DLGAP4: variants seen among roughly 807,000 people sequenced by gnomAD.
DLGAP4 encodes the protein disks large-associated protein 4.
Under a neutral mutation model 86.9 loss-of-function variants are expected in DLGAP4, and 18 were observed. That is an observed-to-expected ratio of 0.21 (90% CI 0.14 to 0.31). The LOEUF (loss-of-function observed/expected upper bound fraction) is 0.31. Among genes scored for constraint, DLGAP4 ranks in the 10% least tolerant of loss-of-function variants. DLGAP4 has a pLI of 1.00. For missense variants in DLGAP4, 1,085 were observed against 1,362.6 expected, an observed-to-expected ratio of 0.80 and a Z score of 3.21; for synonymous variants, 548 against 574.3, an observed-to-expected ratio of 0.95 and a Z score of 0.65.
At chr20:36,496,260 G>A (rs1390503667) in intron 7 of DLGAP4, among the ~76,000 whole-genome samples, 1 of 152,098 alleles carries the variant, frequency 6.6e-6, no homozygotes, top group Non-Finnish European at 1.5e-5. Flanking sequence ...GAAAAGACCA[G>A]GGGGAGCACT....
At chr20:36,380,779 G>A (rs2031362175) in intron 2 of DLGAP4, among the ~76,000 whole-genome samples, 1 of 152,166 alleles carries the variant, frequency 6.6e-6, no homozygotes, top group African/African-American at 2.4e-5. Context: ...CTACAAAATG[G>A]CTGCTCCTCT....
At chr20:36,525,647 A>G in intron 11 of DLGAP4, 1 of 644,128 alleles carries the variant, frequency 1.6e-6, no homozygotes, top group South Asian at 2.0e-5. Flanking sequence ...CCCTTAGACT[A>G]TCCCCCAAAG....
intron 1 of DLGAP4, among the ~76,000 whole-genome samples, chr20:36,312,857 A>T (rs2065065084): frequency 6.6e-6 from 1 of 152,128 alleles, no homozygotes; most frequent in South Asian, 2.1e-4. Context: ...TTTCTGTTGC[A>T]GCTGCCAGGA....
At chr20:36,484,154 A>T (rs2035308086) in intron 7 of DLGAP4, among the ~76,000 whole-genome samples, 1 of 151,856 alleles carries the variant, frequency 6.6e-6, no homozygotes, top group East Asian at 1.9e-4. Flanking sequence ...TTGTTTGTTT[A>T]TTTTTTCTCC....
At chr20:36,464,968 T>A (rs1295330150) in intron 7 of DLGAP4, among the ~76,000 whole-genome samples, 1 of 152,238 alleles carries the variant, frequency 6.6e-6, no homozygotes, top group African/African-American at 2.4e-5. Context: ...GGGCAAATTA[T>A]TTCTTTGAGC....
chr20:36,405,923 G>A (rs1457516617), intron 2 of DLGAP4, among the ~76,000 whole-genome samples: 2 of 152,122 alleles, frequency 1.3e-5, no homozygotes, highest in African/African-American at 4.8e-5. Flanking sequence ...GTGCAGCGAT[G>A]CTTCTTCAAA....
chr20:36,363,487 A>G (rs1052199639), intron 1 of DLGAP4, among the ~76,000 whole-genome samples: 3 of 152,278 alleles, frequency 2.0e-5, no homozygotes, highest in Non-Finnish European at 4.4e-5. Context: ...CGGTGGCAGC[A>G]GGGTGGGGAA....
chr20:36,412,628 G>C (rs1014143252), intron 2 of DLGAP4, among the ~76,000 whole-genome samples: 1 of 152,154 alleles, frequency 6.6e-6, no homozygotes, highest in African/African-American at 2.4e-5. Flanking sequence ...CTCCTTCATA[G>C]GGCTGATTGG....
chr20:36,513,271 G>A (rs368408506), intron 10 of DLGAP4, among the ~76,000 whole-genome samples: 91 of 151,654 alleles, frequency 6.0e-4, no homozygotes, highest in Admixed American at 5.1e-3. Context: ...AATCTGGGCC[G>A]GGCGCGGTGG....
rs2034435791 is a variant in DLGAP4 at position 36,467,059 on chromosome 20, T to TCCCC, written c.1648+20123_1648+20124insCCCC. On this transcript the variant is annotated intron_variant, in intron 7 of 12. Transcript: ENST00000339266. The stretch of plus-strand genomic sequence containing the variant: ...CTCTCTCTCTCTCTCTCTCTCTCTC[T>TCCCC]CTCTCCCCCCCCCTTCTCTCGGCCC... Among the ~76,000 whole-genome samples the TCCCC allele has an allele frequency of 2.0e-3, 119 of 59,918 alleles. 1 individual carries two copies. The highest frequency in any genetic ancestry group is 6.7e-3 in the African/African-American group (116 of 17,328). 39.3% of individuals were successfully genotyped at this position (59,918 alleles called of 152,430 possible).
At chr20:36,452,082 T>A (rs1476417142) in intron 7 of DLGAP4, among the ~76,000 whole-genome samples, 1 of 152,204 alleles carries the variant, frequency 6.6e-6, no homozygotes, top group African/African-American at 2.4e-5. Flanking sequence ...AATTTGAGAA[T>A]GGTTTACTCT....
At chr20:36,328,245 A>G (rs1382054510) in intron 1 of DLGAP4, among the ~76,000 whole-genome samples, 1 of 152,132 alleles carries the variant, frequency 6.6e-6, no homozygotes, top group Non-Finnish European at 1.5e-5. Flanking sequence ...TTTAAAGTGC[A>G]CATTGGCAAA....
rs945408360 is a variant in DLGAP4 at position 36,522,582 on chromosome 20, C to G, written c.2513-1668C>G. 2.0e-5 allele frequency among the ~76,000 whole-genome samples: 3 copies of G among 152,212 alleles called. No individual in the cohort carries two copies. In the East Asian group the frequency reaches 5.8e-4, roughly 29 times the overall value. On this transcript the variant is annotated intron_variant, in intron 10 of 12. Transcript: ENST00000339266. ...GCCACCCACGCTGGAGCGTAGTGGG[C>G]GTGATCTTGGCTCACTGCAACCTCC...
intron 8 of DLGAP4, chr20:36,499,057 C>A: frequency 1.7e-6 from 1 of 601,800 alleles, no homozygotes; most frequent in South Asian, 2.1e-5. Context: ...CCAGGGTTTG[C>A]CCTTAGTGCA....
intron 3 of DLGAP4, among the ~76,000 whole-genome samples, chr20:36,435,428 G>A (rs926903096): frequency 1.1e-4 from 16 of 152,174 alleles, no homozygotes; most frequent in Non-Finnish European, 4.4e-5. Flanking sequence ...CTGGAGACTG[G>A]GGGACCAGGG....
chr20:36,439,130 C>T (rs898126112), intron 4 of DLGAP4, among the ~76,000 whole-genome samples: 14 of 152,288 alleles, frequency 9.2e-5, no homozygotes, highest in Non-Finnish European at 1.6e-4. Context: ...AGCACTTGTC[C>T]GCTGGCCACT....
chr20:36,377,666 C>G (rs920514336), intron 2 of DLGAP4, among the ~76,000 whole-genome samples: 1 of 152,168 alleles, frequency 6.6e-6, no homozygotes, highest in South Asian at 2.1e-4. Flanking sequence ...TCCAGCTCCC[C>G]CTTCAACCTC....
At chr20:36,441,790 C>T (rs1390398166) in intron 5 of DLGAP4, among the ~76,000 whole-genome samples, 2 of 152,144 alleles carry the variant, frequency 1.3e-5, no homozygotes, top group Admixed American at 6.5e-5. Flanking sequence ...TTCTCTCCAG[C>T]GTGTCTCCAT....
chr20:36,519,736 A>T (rs1190567556), intron 10 of DLGAP4, among the ~76,000 whole-genome samples: 1 of 152,092 alleles, frequency 6.6e-6, no homozygotes, highest in Non-Finnish European at 1.5e-5. Context: ...CAATCTCTCC[A>T]CATCTTTGCA....
Sources: allele counts gnomAD v4.1 joint callset (sites outside exome capture counted in the v4.1 genomes callset), GRCh38; gene constraint gnomAD v4.1.1; transcripts MANE v1.5; gene names NCBI Gene and HGNC (gene_info 2026-07-23, HGNC 2026-07-21).